The following TARS1 variants were observed in gnomAD, a reference collection of about 807,000 sequenced individuals.
The protein encoded by TARS1 is threonine--tRNA ligase 1, cytoplasmic.
In TARS1, 57 loss-of-function variants were observed where a neutral mutation model predicts 97.7. The observed-to-expected ratio is 0.58, with a 90% CI of 0.47 to 0.73. TARS1 has a LOEUF of 0.73. Ranked by LOEUF, TARS1 falls within the 30% of genes least tolerant of loss-of-function variation. The probability of loss-of-function intolerance (pLI) is 0.00; values close to 1 mark genes in which losing one functional copy is unlikely to be tolerated. For synonymous variants in TARS1, 312 were observed against 293.7 expected (o/e 1.06, Z -0.64); for missense variants, 806 against 888.3 (o/e 0.91, Z 1.18).
intron 17 of TARS1, among the ~76,000 whole-genome samples, chr5:33,465,069 AAAATAAATAAATAAAAAC>A (rs1266473929): frequency 4.6e-5 from 7 of 152,288 alleles, no homozygotes; most frequent in South Asian, 2.1e-4. Context: ...CCATCTCAAA[AAAATAAATAAATAAAAAC>A]AAATAAATAA....
At chr5:33,460,239 T>C (rs1169176217) in intron 11 of TARS1, among the ~76,000 whole-genome samples, 1 of 152,178 alleles carries the variant, frequency 6.6e-6, no homozygotes, top group Non-Finnish European at 1.5e-5. Context: ...CCCAAAGCGC[T>C]GGGATTACAG....
chr5:33,465,544 G>T (rs1275864894), intron 17 of TARS1, among the ~76,000 whole-genome samples: 1 of 152,202 alleles, frequency 6.6e-6, no homozygotes, highest in African/African-American at 2.4e-5. Flanking sequence ...ATTCTTTAAA[G>T]TAGTTATAAG....
At position 33,441,048 on chromosome 5, in the gene TARS1, C is replaced by T. The variant is rs375214053; in HGVS notation, c.-39C>T. 30 of 1,613,786 alleles carry T rather than the reference C, an allele frequency of 1.9e-5. No individual in the cohort carries two copies. Among genetic ancestry groups the T allele is most frequent in the Non-Finnish European group, 2.2e-5 (26 of 1,179,818 alleles). ...GCCTCTTGGCTCCTCTCCTCTAGGC[C>T]GTCGCTTTCGGGTTCTCTCATCGCT... On this transcript the variant is annotated 5_prime_UTR_variant, in exon 1 of 19. Transcript: ENST00000265112.
chr5:33,446,556 GAA>G (rs1218993654), intron 2 of TARS1: 3 of 560,344 alleles, frequency 5.4e-6, no homozygotes, highest in Non-Finnish European at 9.3e-6. Context: ...GATTGGTCTG[GAA>G]AAAAGAGTGT....
intron 2 of TARS1, among the ~76,000 whole-genome samples, chr5:33,445,777 C>T (rs889400114): frequency 2.6e-5 from 4 of 152,180 alleles, no homozygotes; most frequent in African/African-American, 9.7e-5. Context: ...TTTGGGCTTA[C>T]ACTGAATACA....
intron 8 of TARS1, 47 bp downstream of exon 8, chr5:33,456,274 G>A (rs1379240742): frequency 5.0e-6 from 7 of 1,409,026 alleles, no homozygotes; most frequent in Non-Finnish European, 5.9e-6. Flanking sequence ...GTCTAGAATA[G>A]ATATATGTTT....
chr5:33,440,994 A>C lies in TARS1; in HGVS notation c.-93A>C. 1 of 1,538,078 alleles carries C rather than the reference A, an allele frequency of 6.5e-7. No individual in the cohort carries two copies. The highest frequency in any genetic ancestry group is 2.3e-5 in the East Asian group (1 of 44,266). Reference sequence around the variant, plus strand: ...GCATCAGCTGGTCCAGCCGAGGCCAAGTCCCGGGCGCTAGCCCACCTCCCA... The same window carrying C: ...GCATCAGCTGGTCCAGCCGAGGCCACGTCCCGGGCGCTAGCCCACCTCCCA... On this transcript the variant is annotated 5_prime_UTR_variant, in exon 1 of 19. Coordinates refer to ENST00000265112, the MANE Select transcript of TARS1 (RefSeq NM_152295.5).
rs1440242104 is a variant in TARS1 at position 33,460,992 on chromosome 5, A to G, written c.1341A>G (p.Gly447=). ...FGVLHRNELS[G]ALTGLTRVRR... is the part of the protein sequence containing the mutation. ...TACTTCATAGGAACGAGCTGTCTGG[A>G]GCACTCACAGGACTCACCCGGGTAC... The change falls in exon 12 of 19, where the codon GGA becomes GGG. Residue 447 remains glycine, a synonymous_variant. Coordinates refer to ENST00000265112, the MANE Select transcript of TARS1 (RefSeq NM_152295.5). 1 of 1,614,028 alleles carries G rather than the reference A, an allele frequency of 6.2e-7. No homozygotes were observed. The highest frequency in any genetic ancestry group is 8.5e-7 in the Non-Finnish European group (1 of 1,180,026).
chr5:33,456,099 G>T (rs1178599364), intron 7 of TARS1, 33 bp downstream of exon 7: 1 of 1,611,546 alleles, frequency 6.2e-7, no homozygotes, highest in Non-Finnish European at 8.5e-7. Context: ...AATGTATCTG[G>T]TATGTATGTC....
At chr5:33,463,188 C>G (rs1742375000) in intron 16 of TARS1, among the ~76,000 whole-genome samples, 1 of 152,136 alleles carries the variant, frequency 6.6e-6, no homozygotes, top group Non-Finnish European at 1.5e-5. Context: ...CTGATGTTTG[C>G]AGCATCAGAA....
At chr5:33,447,330 T>C (rs531023447) in intron 2 of TARS1, among the ~76,000 whole-genome samples, 102 of 152,318 alleles carry the variant, frequency 6.7e-4, no homozygotes, top group African/African-American at 2.3e-3. Context: ...CACTGCAACC[T>C]CCACCTCCCA....
In TARS1 at chr5:33,461,888, C is replaced by G; in HGVS notation, c.1630-18C>G. ...AGTATCACTGGCATTTTATAATAAC[C>G]CAGTCTTTGCTTCTTAGATTGACAT... On this transcript the variant is annotated intron_variant, in intron 14 of 18. Coordinates refer to ENST00000265112, the MANE Select transcript of TARS1 (RefSeq NM_152295.5). The G allele has an allele frequency of 6.2e-7, 1 of 1,607,512 alleles. No individual in the cohort carries two copies. The highest frequency in any genetic ancestry group is 8.5e-7 in the Non-Finnish European group (1 of 1,174,432).
In TARS1 at chr5:33,449,445, C is replaced by CTTTTTTTTTTTTTTTTTTTT. The variant is rs57691465; in HGVS notation, c.329+720_329+739dup. On this transcript the variant is annotated intron_variant, in intron 3 of 18. Transcript: ENST00000265112. ...AATAAAAATGATTCTTTTTTTCTTT[C>CTTTTTTTTTTTTTTTTTTTT]TTTTTTTTTTTTTTTTTTTTTTTTT... 5.8e-5 allele frequency among the ~76,000 whole-genome samples: 4 copies of CTTTTTTTTTTTTTTTTTTTT among 69,146 alleles called. 1 individual carries two copies. Among genetic ancestry groups the CTTTTTTTTTTTTTTTTTTTT allele is most frequent in the South Asian group, 1.5e-3 (2 of 1,356 alleles). The allele number at this position is 69,146 out of a possible 152,430, so 45.4% of individuals were successfully genotyped here.
chr5:33,459,782 C>T lies in TARS1; in HGVS notation c.1171C>T (p.His391Tyr). The T allele has an allele frequency of 5.0e-6, 8 of 1,614,180 alleles. No homozygotes were observed. The highest frequency in any genetic ancestry group is 6.8e-6 in the Non-Finnish European group (8 of 1,180,034). Residue 391 changes from histidine to tyrosine, a missense_variant, in exon 11 of 19, where the codon CAC becomes TAC. By Grantham distance (83) the His-to-Tyr change is moderately conservative. Around this residue, in one of 3 missense-constraint regions of TARS1, gnomAD observed 446 missense variants for 511.0 expected, o/e 0.87. Coordinates refer to ENST00000265112, the MANE Select transcript of TARS1 (RefSeq NM_152295.5). ...RLWMTSGHWQ[H>Y]YSENMFSFEV... ...CTGGATGACCTCGGGCCACTGGCAG[C>T]ACTACAGCGAGAACATGTTCTCCTT...
intron 3 of TARS1, among the ~76,000 whole-genome samples, chr5:33,449,951 A>G (rs1741649344): frequency 6.6e-6 from 1 of 152,194 alleles, no homozygotes; most frequent in Non-Finnish European, 1.5e-5. Context: ...ATACATACAT[A>G]AAACAGTGAA....
At chr5:33,455,199 C>CT in intron 5 of TARS1, 133 bp downstream of exon 5, 1 of 1,185,516 alleles carries the variant, frequency 8.4e-7, no homozygotes, top group Non-Finnish European at 1.2e-6. Context: ...ATTATCAGTA[C>CT]TTGAAGTGTT....
At chr5:33,449,996 A>G (rs1741652666) in intron 3 of TARS1, among the ~76,000 whole-genome samples, 1 of 152,154 alleles carries the variant, frequency 6.6e-6, no homozygotes, top group Non-Finnish European at 1.5e-5. Context: ...GGGGATAGCG[A>G]GTGCTAATTA....
chr5:33,454,717 A>G (rs1427397084), intron 4 of TARS1, among the ~76,000 whole-genome samples: 1 of 149,032 alleles, frequency 6.7e-6, no homozygotes, highest in African/African-American at 2.5e-5. Flanking sequence ...TTGTTTGAAA[A>G]CAGCTAAACC....
intron 1 of TARS1, among the ~76,000 whole-genome samples, chr5:33,445,117 C>T (rs1033431308): frequency 6.6e-6 from 1 of 152,122 alleles, no homozygotes; most frequent in Non-Finnish European, 1.5e-5. Flanking sequence ...TTAGTAACTC[C>T]TTCCTACTTT....
Sources: allele counts gnomAD v4.1 joint callset (sites outside exome capture counted in the v4.1 genomes callset), GRCh38; gene constraint gnomAD v4.1.1; regional missense constraint gnomAD v4.1.1; transcripts MANE v1.5; gene names NCBI Gene and HGNC (gene_info 2026-07-23, HGNC 2026-07-21).